Variants in CCDC117 observed in about 807,000 individuals in gnomAD.
CCDC117 encodes coiled-coil domain containing 117.
In CCDC117, 1 loss-of-function variant was observed where a neutral mutation model predicts 23.5. The ratio of observed to expected loss-of-function variants is 0.04; its 90% CI spans 0.02 to 0.20. The LOEUF is 0.20. Ranked by LOEUF, CCDC117 falls within the 10% of genes least tolerant of loss-of-function variation. The pLI, the probability that CCDC117 is intolerant of heterozygous loss-of-function variation, is 1.00. For missense variants in CCDC117, 383 were observed against 348.2 expected, an observed-to-expected ratio of 1.10 and a Z score of -0.80; for synonymous variants, 132 against 124.8, an observed-to-expected ratio of 1.06 and a Z score of -0.39.
chr22:28,783,492 G>A lies in CCDC117; in HGVS notation c.465-16G>A, dbSNP rs371409488. 1.7e-5 allele frequency: 28 copies of A among 1,604,574 alleles called. No homozygotes were observed. Among genetic ancestry groups the A allele is most frequent in the South Asian group, 5.6e-5 (5 of 88,826 alleles). On this transcript the variant is annotated splice_polypyrimidine_tract_variant and intron_variant, in intron 3 of 4. Transcript: ENST00000249064. ...CTAAATATTTTTTCTTTCTTCTGCTGCCTTAATTGATTTAGGATAATTGAT... is the reference window on the plus strand; with the variant it reads ...CTAAATATTTTTTCTTTCTTCTGCTACCTTAATTGATTTAGGATAATTGAT...
intron 3 of CCDC117, 45 bp downstream of exon 3, chr22:28,781,217 A>G (rs966927736): frequency 8.8e-7 from 1 of 1,136,388 alleles, no homozygotes; most frequent in African/African-American, 1.5e-5. Context: ...GTTCTCTTGT[A>G]ATAACTCTGC....
At chr22:28,773,536 C>T in intron 1 of CCDC117, 189 bp from the exon 2 acceptor site, 1 of 602,306 alleles carries the variant, frequency 1.7e-6, no homozygotes, top group Non-Finnish European at 3.0e-6. Context: ...GTTGAGATTT[C>T]ACTGTCCAGT....
At chr22:28,776,311 G>A (rs1034116399) in intron 2 of CCDC117, among the ~76,000 whole-genome samples, 3 of 152,140 alleles carry the variant, frequency 2.0e-5, no homozygotes, top group Admixed American at 2.0e-4. Context: ...AGAGACTGAG[G>A]CACGAGGAGA....
chr22:28,777,493 T>C (rs1186349747), intron 2 of CCDC117, among the ~76,000 whole-genome samples: 3 of 151,924 alleles, frequency 2.0e-5, no homozygotes, highest in African/African-American at 7.2e-5. Flanking sequence ...TAAGTGATAC[T>C]GGACATCTTT....
intron 3 of CCDC117, among the ~76,000 whole-genome samples, chr22:28,781,965 T>C (rs2031352448): frequency 6.8e-6 from 1 of 146,716 alleles, no homozygotes; most frequent in East Asian, 2.0e-4. Context: ...TTTTTTTAAA[T>C]TGATACAGGG....
chr22:28,772,743 G>A lies in CCDC117; in HGVS notation c.-107G>A. ...TAGAAGGCGTGACGTGGGGTCGAGAGCGGGATCCGAGGCTGGCGGGTTTTG... is the reference window on the plus strand; with the variant it reads ...TAGAAGGCGTGACGTGGGGTCGAGAACGGGATCCGAGGCTGGCGGGTTTTG... On this transcript the variant is annotated 5_prime_UTR_variant, in exon 1 of 5. Transcript: ENST00000249064. 1 of 900,646 alleles carries A rather than the reference G, an allele frequency of 1.1e-6. No homozygotes were observed. The highest frequency in any genetic ancestry group is 1.4e-6 in the Non-Finnish European group (1 of 694,626). The allele number at this position is 900,646 out of a possible 1,614,324, so 55.8% of individuals were successfully genotyped here.
chr22:28,774,371 CTTTT>C (rs35613553), intron 2 of CCDC117, among the ~76,000 whole-genome samples: 1 of 122,146 alleles, frequency 8.2e-6, no homozygotes. Context: ...CCTGAAAAGT[CTTTT>C]TTTTTTTTTT....
chr22:28,777,178 A>G (rs2031189596), intron 2 of CCDC117, among the ~76,000 whole-genome samples: 1 of 151,624 alleles, frequency 6.6e-6, no homozygotes, highest in Non-Finnish European at 1.5e-5. Flanking sequence ...AGCTGGGACT[A>G]CAGGCGTGTG....
chr22:28,783,230 AG>A (rs1483248624), intron 3 of CCDC117, among the ~76,000 whole-genome samples: 1 of 151,764 alleles, frequency 6.6e-6, no homozygotes, highest in Admixed American at 6.6e-5. Context: ...TAGTAGAGAT[AG>A]GGTTTCACCA....
At chr22:28,778,171 C>T (rs531500450) in intron 2 of CCDC117, among the ~76,000 whole-genome samples, 16 of 152,158 alleles carry the variant, frequency 1.1e-4, no homozygotes, top group South Asian at 2.1e-4. Flanking sequence ...GCCAGGAAAT[C>T]TTTATTAAGG....
chr22:28,781,036 G>A lies in CCDC117; in HGVS notation c.328G>A (p.Gly110Arg). 6.2e-7 allele frequency: 1 copy of A among 1,613,962 alleles called. No individual in the cohort carries two copies. Reference protein sequence around the residue: ...WILCAHQDVEGHGVNPSVSGL... With the variant: ...WILCAHQDVERHGVNPSVSGL... Reference sequence around the variant, plus strand: ...TCTTTGTGCACATCAGGATGTAGAGGGGCATGGAGTAAATCCCAGTGTTAG... The same window carrying A: ...TCTTTGTGCACATCAGGATGTAGAGAGGCATGGAGTAAATCCCAGTGTTAG... The change falls in exon 3 of 5, where the codon GGG becomes AGG. Residue 110 changes from glycine (G) to arginine (R), a missense_variant. Gly to Arg is a moderately radical substitution (Grantham distance 125). Transcript: ENST00000249064.
Position 28,773,014 on chromosome 22 carries a change from T to A in CCDC117, c.165T>A (p.Ala55=), listed in dbSNP as rs2146241546. The A allele has an allele frequency of 8.7e-7, 1 of 1,150,264 alleles. No homozygotes were observed. The highest frequency in any genetic ancestry group is 3.8e-5 in the East Asian group (1 of 26,540). 71.3% of individuals were successfully genotyped at this position (1,150,264 alleles called of 1,614,324 possible). The change falls in exon 1 of 5, where the codon GCT becomes GCA. Residue 55 remains alanine (A), a synonymous_variant. Transcript: ENST00000249064. The part of the protein sequence containing the change: ...PGPRAVPSSP[A]GSAARGRVSV... ...CTCGCGCAGTCCCTAGCAGTCCCGCTGGGAGTGCGGCGCGCGGACGGTGAG... is the reference window on the plus strand; with the variant it reads ...CTCGCGCAGTCCCTAGCAGTCCCGCAGGGAGTGCGGCGCGCGGACGGTGAG...
chr22:28,773,631 G>A lies in CCDC117; in HGVS notation c.186-94G>A, dbSNP rs576879560. On this transcript the variant is annotated intron_variant, in intron 1 of 4. Coordinates refer to ENST00000249064, the MANE Select transcript of CCDC117 (RefSeq NM_173510.4). Reference sequence around the variant, plus strand: ...CTCAGAAAGGGACGTTTGGTATGTGGGGATGAGCAAGATTATTGGAGCAAG... The same window carrying A: ...CTCAGAAAGGGACGTTTGGTATGTGAGGATGAGCAAGATTATTGGAGCAAG... 8.0e-6 allele frequency: 8 copies of A among 999,588 alleles called. No homozygotes were observed. In the Admixed American group the frequency reaches 1.4e-4, roughly 17 times the overall value. 61.9% of individuals were successfully genotyped at this position (999,588 alleles called of 1,614,324 possible).
chr22:28,782,642 T>C (rs1334035584), intron 3 of CCDC117, among the ~76,000 whole-genome samples: 1 of 152,124 alleles, frequency 6.6e-6, no homozygotes, highest in Non-Finnish European at 1.5e-5. Flanking sequence ...TTTCACCACG[T>C]TGGCCAGGCT....
At chr22:28,775,093 C>T (rs1252182814) in intron 2 of CCDC117, among the ~76,000 whole-genome samples, 1 of 152,100 alleles carries the variant, frequency 6.6e-6, no homozygotes, top group Non-Finnish European at 1.5e-5. Context: ...GAAACCCCAT[C>T]TCTATTAAAA....
chr22:28,782,535 T>A (rs766240706), intron 3 of CCDC117, among the ~76,000 whole-genome samples: 25 of 152,102 alleles, frequency 1.6e-4, no homozygotes, highest in Non-Finnish European at 8.8e-5. Context: ...ACCTCCCGGG[T>A]TCAGGCGATT....
At chr22:28,774,308 C>CGGGA (rs1217993469) in intron 2 of CCDC117, among the ~76,000 whole-genome samples, 2 of 150,976 alleles carry the variant, frequency 1.3e-5, no homozygotes, top group African/African-American at 4.9e-5. Context: ...ACTTCATGAT[C>CGGGA]CTCCCGCCTC....
chr22:28,772,981 G>T lies in CCDC117; in HGVS notation c.132G>T (p.Arg44=), dbSNP rs1055210873. The change falls in exon 1 of 5, where the codon CGG becomes CGT. Residue 44 remains arginine, a synonymous_variant. Transcript: ENST00000249064. The stretch of plus-strand genomic sequence containing the variant: ...CTGACGGCGCCGAGTTGGCCCCGCG[G>T]CCGGGACCTCGCGCAGTCCCTAGCA... ...PGADGAELAP[R]PGPRAVPSSP... 15 of 1,202,146 alleles carry T rather than the reference G, an allele frequency of 1.2e-5. No individual in the cohort carries two copies. The highest frequency in any genetic ancestry group is 4.4e-5 in the Admixed American group (1 of 22,550). 74.5% of individuals were successfully genotyped at this position (1,202,146 alleles called of 1,614,324 possible).
chr22:28,786,395 A>G lies in CCDC117; in HGVS notation c.*69A>G, dbSNP rs1449160054. On this transcript the variant is annotated 3_prime_UTR_variant, in exon 5 of 5. Transcript: ENST00000249064. ...TGTGTTCAGTTATGAGACTCTTTGC[A>G]TAGTATAGGGACTTGAAAGTTTTAT... 7.1e-6 allele frequency: 8 copies of G among 1,126,014 alleles called. No homozygotes were observed. Among genetic ancestry groups the G allele is most frequent in the Middle Eastern group, 4.2e-4 (2 of 4,720 alleles). 69.8% of individuals were successfully genotyped at this position (1,126,014 alleles called of 1,614,324 possible).
Sources: gnomAD v4.1 joint callset for allele counts (sites outside exome capture counted in the v4.1 genomes callset) on GRCh38, gnomAD v4.1.1 for gene constraint, MANE v1.5 for transcripts, NCBI Gene and HGNC (gene_info 2026-07-23, HGNC 2026-07-21) for gene names.